ERG: variants seen among roughly 807,000 people sequenced by gnomAD.
The protein encoded by ERG is transcriptional regulator ERG.
ERG carries 9 observed loss-of-function variants against 55.3 expected under a neutral mutation model. That is an observed-to-expected ratio of 0.16 (90% confidence interval 0.10 to 0.28). The LOEUF is 0.28. Among genes scored for constraint, ERG ranks in the 10% least tolerant of loss-of-function variants. The pLI, the probability that ERG is intolerant of heterozygous loss-of-function variation, is 1.00. For missense variants in ERG, 434 were observed against 631.6 expected (o/e 0.69, Z 3.35); for synonymous variants, 223 against 237.3 (o/e 0.94, Z 0.55).
At chr21:38,471,888 AC>A (rs2059142529) in intron 1 of ERG, 2 of 152,214 alleles carry the variant, frequency 1.3e-5, no homozygotes, top group Non-Finnish European at 2.9e-5. Context: ...AAGGTTAATT[AC>A]TTTCAGGTTT....
chr21:38,609,482 A>G (rs192690075), intron 1 of ERG, among the ~76,000 whole-genome samples: 101 of 152,372 alleles, frequency 6.6e-4, no homozygotes, highest in African/African-American at 2.3e-3. Context: ...ACTTAAAAAA[A>G]TAAAAACAAT....
chr21:38,511,435 C>T (rs768671732), intron 2 of ERG, among the ~76,000 whole-genome samples: 9 of 152,130 alleles, frequency 5.9e-5, no homozygotes, highest in African/African-American at 1.4e-4. Context: ...TCATGCTACA[C>T]GAGACTTCCT....
At chr21:38,592,744 C>T (rs959514346) in intron 1 of ERG, among the ~76,000 whole-genome samples, 1 of 152,148 alleles carries the variant, frequency 6.6e-6, no homozygotes, top group Non-Finnish European at 1.5e-5. Context: ...ACATTTAAAC[C>T]TTTAAAGTGC....
At chr21:38,542,251 G>A (rs1393785006) in intron 2 of ERG, among the ~76,000 whole-genome samples, 1 of 152,170 alleles carries the variant, frequency 6.6e-6, no homozygotes, top group Non-Finnish European at 1.5e-5. Flanking sequence ...GCCTCCCAAA[G>A]TGCTGGGATT....
At chr21:38,513,171 T>C (rs748885609) in intron 2 of ERG, among the ~76,000 whole-genome samples, 10 of 151,960 alleles carry the variant, frequency 6.6e-5, no homozygotes, top group Non-Finnish European at 1.2e-4. Flanking sequence ...TTAGACTTTA[T>C]AGAATACATA....
intron 2 of ERG, among the ~76,000 whole-genome samples, chr21:38,544,390 G>A (rs909120459): frequency 6.6e-5 from 10 of 152,142 alleles, no homozygotes; most frequent in African/African-American, 1.9e-4. Flanking sequence ...GCAGAGAAGC[G>A]AGGACAATTA....
At chr21:38,620,005 G>A (rs2146940819) in intron 1 of ERG, among the ~76,000 whole-genome samples, 1 of 152,312 alleles carries the variant, frequency 6.6e-6, no homozygotes, top group East Asian at 1.9e-4. Flanking sequence ...CACTTGAATG[G>A]GAAAGTATGC....
At chr21:38,607,650 A>G (rs2060204354) in intron 1 of ERG, among the ~76,000 whole-genome samples, 1 of 152,180 alleles carries the variant, frequency 6.6e-6, no homozygotes. Flanking sequence ...AAAAAAAAAT[A>G]CAAAGGTAAA....
intron 3 of ERG, among the ~76,000 whole-genome samples, chr21:38,419,424 C>T (rs1024556279): frequency 6.6e-6 from 1 of 152,160 alleles, no homozygotes; most frequent in Non-Finnish European, 1.5e-5. Flanking sequence ...ACTGAATTAT[C>T]CCTTTCATAC....
chr21:38,403,738 A>G, intron 3 of ERG, 29 bp from the exon 4 acceptor site: 1 of 1,603,926 alleles, frequency 6.2e-7, no homozygotes, highest in Non-Finnish European at 8.5e-7. Context: ...CATTCAGTCA[A>G]TTCCTGAAGC....
At chr21:38,463,147 T>A (rs553237751) in intron 1 of ERG, among the ~76,000 whole-genome samples, 1 of 152,360 alleles carries the variant, frequency 6.6e-6, no homozygotes, top group African/African-American at 2.4e-5. Context: ...CAGATTATTT[T>A]AATTTTTAAA....
intron 1 of ERG, among the ~76,000 whole-genome samples, chr21:38,606,329 G>C (rs1274112929): frequency 2.0e-5 from 3 of 152,158 alleles, no homozygotes; most frequent in Admixed American, 2.0e-4. Context: ...CAGATAGATA[G>C]ATAAACTGAT....
At chr21:38,451,678 G>A (rs547191202) in intron 1 of ERG, among the ~76,000 whole-genome samples, 1 of 152,226 alleles carries the variant, frequency 6.6e-6, no homozygotes, top group Admixed American at 6.5e-5. Flanking sequence ...TTTGGAGGAG[G>A]AAAAAACAAC....
At chr21:38,476,390 G>A (rs545445376) in intron 1 of ERG, among the ~76,000 whole-genome samples, 3 of 152,250 alleles carry the variant, frequency 2.0e-5, no homozygotes, top group East Asian at 1.9e-4. Flanking sequence ...CTGGCTCTTC[G>A]TAACACCAGC....
chr21:38,628,983 A>G (rs1196189270), intron 1 of ERG, among the ~76,000 whole-genome samples: 1 of 152,228 alleles, frequency 6.6e-6, no homozygotes, highest in African/African-American at 2.4e-5. Flanking sequence ...TGGTGCCGTT[A>G]TCAGTATACT....
chr21:38,619,920 A>T (rs189633384), intron 1 of ERG, among the ~76,000 whole-genome samples: 28 of 152,362 alleles, frequency 1.8e-4, no homozygotes, highest in Admixed American at 1.4e-3. Flanking sequence ...AGAAAAGAAG[A>T]TACTTGACAA....
intron 1 of ERG, among the ~76,000 whole-genome samples, chr21:38,622,349 A>G (rs1461539157): frequency 1.3e-5 from 2 of 151,954 alleles, no homozygotes; most frequent in African/African-American, 4.8e-5. Context: ...GGTCTCTTTC[A>G]ACATCAGTAG....
chr21:38,575,708 A>G, exon 2 of ERG: 2 of 1,614,082 alleles, frequency 1.2e-6, no homozygotes, highest in Non-Finnish European at 8.5e-7. Flanking sequence ...CATGTCCTTC[A>G]GTAAGCCAGC....
chr21:38,438,695 T>C (rs1247398761), intron 2 of ERG, among the ~76,000 whole-genome samples: 3 of 152,138 alleles, frequency 2.0e-5, no homozygotes, highest in Non-Finnish European at 4.4e-5. Flanking sequence ...GAAGGAGGTA[T>C]TTCTCAACTC....
Sources: allele counts gnomAD v4.1 joint callset (sites outside exome capture counted in the v4.1 genomes callset), GRCh38; gene constraint gnomAD v4.1.1; transcripts MANE v1.5; gene names NCBI Gene and HGNC (gene_info 2026-07-23, HGNC 2026-07-21).